PIGN: variants seen among roughly 807,000 people sequenced by gnomAD.
The protein encoded by PIGN is phosphatidylinositol glycan anchor biosynthesis class N.
In PIGN, 117 loss-of-function variants were observed where a neutral mutation model predicts 125.4. The observed-to-expected ratio is 0.93, with a 90% CI of 0.80 to 1.09. The LOEUF (loss-of-function observed/expected upper bound fraction) is 1.09, where lower values mean the gene tolerates loss of function less well. Ranked by LOEUF, PIGN falls within the 50% of genes least tolerant of loss-of-function variation. PIGN has a pLI of 0.00. For missense variants in PIGN, 1,075 were observed against 1,094.9 expected (o/e 0.98, Z 0.26); for synonymous variants, 392 against 377.8 (o/e 1.04, Z -0.44).
At chr18:62,094,766 A>G (rs578133427) in intron 23 of PIGN, among the ~76,000 whole-genome samples, 6 of 152,186 alleles carry the variant, frequency 3.9e-5, no homozygotes, top group Non-Finnish European at 8.8e-5. Flanking sequence ...AATTTCCATG[A>G]CATTCATATC....
At chr18:62,067,633 T>A (rs1437364008) in intron 30 of PIGN, among the ~76,000 whole-genome samples, 1 of 152,214 alleles carries the variant, frequency 6.6e-6, no homozygotes, top group Non-Finnish European at 1.5e-5. Context: ...TAGTCATCCA[T>A]GTAGTTGAGT....
intron 22 of PIGN, among the ~76,000 whole-genome samples, chr18:62,096,295 TA>T (rs201054162): frequency 4.0e-5 from 6 of 148,294 alleles, no homozygotes; most frequent in Admixed American, 2.0e-4. Flanking sequence ...AACTCCATCT[TA>T]AAAAAAAAAG....
intron 23 of PIGN, among the ~76,000 whole-genome samples, chr18:62,026,031 T>C (rs780536565): frequency 3.9e-5 from 6 of 152,334 alleles, no homozygotes; most frequent in Middle Eastern, 3.4e-3. Flanking sequence ...TCGGAAGTTA[T>C]TGGTGTCCCT....
intron 23 of PIGN, among the ~76,000 whole-genome samples, chr18:62,091,610 G>A (rs563424663): frequency 6.6e-6 from 1 of 152,280 alleles, no homozygotes; most frequent in East Asian, 1.9e-4. Context: ...GTCCACCGGG[G>A]AATGATTAAA....
chr18:62,040,520 C>A (rs1314952526), downstream of PIGN, among the ~76,000 whole-genome samples: 1 of 152,136 alleles, frequency 6.6e-6, no homozygotes, highest in Non-Finnish European at 1.5e-5. Context: ...AGCTAAAGTG[C>A]CATTCTCATC....
rs1451128632 is a variant in PIGN, at chr18:62,041,931, C to G, written c.*3925G>C. On this transcript the variant is annotated 3_prime_UTR_variant, in exon 31 of 31. Transcript: ENST00000640252. ...TGGCATAATGCTATCTTCCTCCCTTCACAACGTACATCACAAGTTAAATTC... is the reference window on the plus strand; with the variant it reads ...TGGCATAATGCTATCTTCCTCCCTTGACAACGTACATCACAAGTTAAATTC... The G allele has an allele frequency of 6.6e-6, 1 of 152,174 alleles. No individual in the cohort carries two copies. 9.4% of individuals were successfully genotyped at this position (152,174 alleles called of 1,614,324 possible).
At chr18:62,074,887 TC>T in intron 28 of PIGN, 66 bp from the exon 29 acceptor site, 1 of 1,125,380 alleles carries the variant, frequency 8.9e-7, no homozygotes, top group Non-Finnish European at 1.3e-6. Context: ...CTCATTAAAA[TC>T]CAAGTGAGAC....
intron 20 of PIGN, among the ~76,000 whole-genome samples, chr18:62,104,562 T>A (rs2034566670): frequency 6.6e-6 from 1 of 152,182 alleles, no homozygotes; most frequent in Non-Finnish European, 1.5e-5. Flanking sequence ...GGTGTTAGAA[T>A]TCAATACAAT....
chr18:62,037,428 A>C (rs555846280), downstream of PIGN, among the ~76,000 whole-genome samples: 1 of 152,256 alleles, frequency 6.6e-6, no homozygotes, highest in Non-Finnish European at 1.5e-5. Context: ...AAAGCCCCTC[A>C]GTGGGCATGG....
At chr18:62,154,396 T>C (rs2036645454) in intron 7 of PIGN, 149 bp downstream of exon 7, 1 of 520,792 alleles carries the variant, frequency 1.9e-6, no homozygotes, top group Admixed American at 4.0e-5. Context: ...GAATGTGTAA[T>C]TTTTTAGAAT....
intron 23 of PIGN, among the ~76,000 whole-genome samples, chr18:62,029,815 C>A (rs1444596477): frequency 2.6e-5 from 4 of 152,182 alleles, no homozygotes; most frequent in Admixed American, 1.3e-4. Context: ...TTAAAGCATT[C>A]ATTGCATTGG....
chr18:62,157,573 T>C (rs539884545), intron 5 of PIGN, 114 bp downstream of exon 5: 278 of 1,030,098 alleles, frequency 2.7e-4, no homozygotes, highest in Non-Finnish European at 3.8e-4. Flanking sequence ...TGCTAAAACA[T>C]TTGTCCAAAA....
intron 28 of PIGN, among the ~76,000 whole-genome samples, chr18:62,081,205 T>C (rs1356116904): frequency 1.3e-5 from 2 of 151,984 alleles, no homozygotes; most frequent in Non-Finnish European, 1.5e-5. Flanking sequence ...CTTCCAACAG[T>C]TGTAAGAAAA....
At chr18:62,065,688 A>C (rs1277500181) in intron 30 of PIGN, among the ~76,000 whole-genome samples, 1 of 152,108 alleles carries the variant, frequency 6.6e-6, no homozygotes, top group African/African-American at 2.4e-5. Flanking sequence ...GTGAGCCGAG[A>C]TCGCGCCACT....
In PIGN at chr18:62,065,066, T is replaced by C. The variant is rs9957559; in HGVS notation, c.2672+7607A>G. Among the ~76,000 whole-genome samples the C allele has an allele frequency of 3.4e-3, 524 of 152,302 alleles. 2 individuals carry two copies. The highest frequency in any genetic ancestry group is 0.012 in the African/African-American group (514 of 41,556). On this transcript the variant is annotated intron_variant, in intron 30 of 30. Transcript: ENST00000640252. ...GGAATAGACCAAAGGCTGATACTGA[T>C]GCAGGAAGGGGGACAATAAAAGGCT...
chr18:62,178,193 C>A (rs1278495624), intron 1 of PIGN, among the ~76,000 whole-genome samples: 2 of 152,078 alleles, frequency 1.3e-5, no homozygotes, highest in African/African-American at 4.8e-5. Flanking sequence ...GCCATTGCCA[C>A]AATGGTGAAT....
At chr18:62,119,699 C>A (rs2035224639) in intron 14 of PIGN, among the ~76,000 whole-genome samples, 1 of 151,818 alleles carries the variant, frequency 6.6e-6, no homozygotes, top group Non-Finnish European at 1.5e-5. Context: ...CAAAACTTAG[C>A]CGGGTGTGGT....
chr18:62,093,070 T>A (rs2034036504), intron 23 of PIGN, among the ~76,000 whole-genome samples: 1 of 152,104 alleles, frequency 6.6e-6, no homozygotes, highest in South Asian at 2.1e-4. Context: ...GATTGCATAG[T>A]GCTCTGGACA....
At chr18:62,033,917 C>T (rs1043238142) in intron 23 of PIGN, among the ~76,000 whole-genome samples, 67 of 152,144 alleles carry the variant, frequency 4.4e-4, no homozygotes, top group African/African-American at 1.5e-3. Context: ...TGTCATGGGG[C>T]AGGCAGTATT....
Sources: allele counts gnomAD v4.1 joint callset (sites outside exome capture counted in the v4.1 genomes callset), GRCh38; gene constraint gnomAD v4.1.1; transcripts MANE v1.5; gene names NCBI Gene and HGNC (gene_info 2026-07-23, HGNC 2026-07-21).